Variants in CPEB2 observed in about 807,000 individuals in gnomAD.
The protein encoded by CPEB2 is cytoplasmic polyadenylation element-binding protein 2.
In CPEB2, 56 loss-of-function variants were observed where a neutral mutation model predicts 93.6. The ratio of observed to expected loss-of-function variants is 0.60; its 90% CI spans 0.48 to 0.75. The LOEUF is 0.75. Ranked by LOEUF, CPEB2 falls within the 30% of genes least tolerant of loss-of-function variation. The pLI, the probability that CPEB2 is intolerant of heterozygous loss-of-function variation, is 0.00. For missense variants in CPEB2, 1,579 were observed against 1,395.1 expected (o/e 1.13, Z -2.10); for synonymous variants, 764 against 586.3 (o/e 1.30, Z -4.38).
chr4:15,066,112 G>A (rs1729686721), intron 11 of CPEB2, 41 bp from the exon 12 acceptor site: 28 of 1,519,572 alleles, frequency 1.8e-5, no homozygotes, highest in Non-Finnish European at 2.5e-5. Flanking sequence ...TTTGATTTCT[G>A]AAGCAGACCC....
chr4:15,015,492 T>TAC (rs1236922350), intron 3 of CPEB2, among the ~76,000 whole-genome samples: 3 of 152,038 alleles, frequency 2.0e-5, no homozygotes, highest in Admixed American at 2.0e-4. Context: ...GACAGCAACT[T>TAC]AGTCTACAGT....
intron 2 of CPEB2, 66 bp from the exon 3 acceptor site, chr4:15,008,272 C>T: frequency 1.8e-6 from 2 of 1,087,668 alleles, no homozygotes; most frequent in East Asian, 2.4e-5. Context: ...TTCTTTCTTT[C>T]TTTCGTTGGG....
intron 5 of CPEB2, among the ~76,000 whole-genome samples, chr4:15,035,398 CAG>C (rs1298571228): frequency 2.0e-5 from 3 of 152,032 alleles, no homozygotes; most frequent in African/African-American, 7.2e-5. Context: ...CTGCCTGACT[CAG>C]GGGGACTGTT....
At chr4:15,044,099 G>A (rs934376449) in intron 6 of CPEB2, among the ~76,000 whole-genome samples, 4 of 152,144 alleles carry the variant, frequency 2.6e-5, no homozygotes, top group Non-Finnish European at 5.9e-5. Context: ...TTCAATAATT[G>A]TGAGAGAGTG....
intron 8 of CPEB2, among the ~76,000 whole-genome samples, chr4:15,057,403 C>T (rs1232759698): frequency 1.3e-5 from 2 of 152,156 alleles, no homozygotes; most frequent in African/African-American, 4.8e-5. Flanking sequence ...GCTGAGTTTT[C>T]TGACTTCAGT....
chr4:15,003,559 T>G lies in CPEB2; in HGVS notation c.886T>G (p.Ser296Ala). The stretch of plus-strand genomic sequence containing the variant: ...CGCGGGCGAGGGCAGCGCCGCCGAG[T>G]CCCCCAATGCGGGCTTGGCCTCCTC... Reference protein sequence around the residue: ...PAAGEGSAAESPNAGLASSTP... With the variant: ...PAAGEGSAAEAPNAGLASSTP... Residue 296 changes from serine (S) to alanine (A), a missense_variant, in exon 1 of 12, where the codon TCC (serine) becomes GCC (alanine). By Grantham distance (99) the Ser-to-Ala change is moderately conservative (BLOSUM62 1). This residue lies in a region of CPEB2 where 1,411 missense variants were observed against 1,056.0 expected (regional missense o/e 1.34). Coordinates refer to ENST00000538197, the MANE Select transcript of CPEB2 (RefSeq NM_001177382.2). The G allele has an allele frequency of 6.9e-7, 1 of 1,458,120 alleles. No homozygotes were observed. The highest frequency in any genetic ancestry group is 9.0e-7 in the Non-Finnish European group (1 of 1,108,160). 90.3% of individuals were successfully genotyped at this position (1,458,120 alleles called of 1,614,324 possible).
chr4:15,036,730 G>C (rs1262497683), intron 5 of CPEB2, among the ~76,000 whole-genome samples: 1 of 152,148 alleles, frequency 6.6e-6, no homozygotes, highest in Admixed American at 6.5e-5. Context: ...AGTGGGAATG[G>C]TATTAGCAAG....
chr4:15,061,947 C>T, intron 10 of CPEB2, 132 bp from the exon 11 acceptor site: 1 of 793,296 alleles, frequency 1.3e-6, no homozygotes, highest in Non-Finnish European at 1.9e-6. Flanking sequence ...TTAACAACAG[C>T]CTCTTATCTG....
rs1355703265 is a variant in CPEB2 at position 15,004,101 on chromosome 4, C to T, written c.1428C>T (p.Leu476=). ...TGTCGCCGCACGGCTGCACTGGGCTCAGCGTTCCGACGAGCGGCGGCGGCG... is the reference window on the plus strand; with the variant it reads ...TGTCGCCGCACGGCTGCACTGGGCTTAGCGTTCCGACGAGCGGCGGCGGCG... ...SPVSPHGCTG[L]SVPTSGGGGG... Residue 476 remains leucine (L), a synonymous_variant, in exon 1 of 12, where the codon CTC becomes CTT. Transcript: ENST00000538197. The T allele has an allele frequency of 1.3e-6, 2 of 1,559,580 alleles. No individual in the cohort carries two copies. The highest frequency in any genetic ancestry group is 1.7e-6 in the Non-Finnish European group (2 of 1,156,840).
chr4:15,005,054 C>A (rs1226591521), intron 1 of CPEB2: 1 of 152,148 alleles, frequency 6.6e-6, no homozygotes, highest in Non-Finnish European at 1.5e-5. Context: ...CTGGCAGCGC[C>A]GCACCCTGGG....
intron 4 of CPEB2, among the ~76,000 whole-genome samples, chr4:15,026,599 T>A (rs563944665): frequency 6.6e-6 from 1 of 152,308 alleles, no homozygotes; most frequent in African/African-American, 2.4e-5. Flanking sequence ...GCCACTTGTG[T>A]TTTTGCTTTA....
At chr4:15,023,506 G>A (rs1245002279) in intron 4 of CPEB2, among the ~76,000 whole-genome samples, 1 of 151,848 alleles carries the variant, frequency 6.6e-6, no homozygotes, top group African/African-American at 2.4e-5. Context: ...TTGATATTTT[G>A]GTGTATAATT....
chr4:15,066,596 A>G lies in CPEB2; in HGVS notation c.*216A>G, dbSNP rs903043897. On this transcript the variant is annotated 3_prime_UTR_variant, in exon 12 of 12. Transcript: ENST00000538197. The stretch of plus-strand genomic sequence containing the variant: ...GCTTACTAATTTTTGTGATATTTTC[A>G]TGTTCAAATAAAATGTTTTTTTGTA... 5 of 524,342 alleles carry G rather than the reference A, an allele frequency of 9.5e-6. No homozygotes were observed. Among genetic ancestry groups the G allele is most frequent in the Non-Finnish European group, 1.7e-5 (5 of 296,818 alleles). 32.5% of individuals were successfully genotyped at this position (524,342 alleles called of 1,614,324 possible).
chr4:15,014,127 A>G (rs528982182), intron 3 of CPEB2, among the ~76,000 whole-genome samples: 1 of 152,182 alleles, frequency 6.6e-6, no homozygotes, highest in South Asian at 2.1e-4. Flanking sequence ...CAATGAAGGT[A>G]GAGGGTACTT....
chr4:15,008,100 G>C (rs1412271763), intron 2 of CPEB2, among the ~76,000 whole-genome samples: 1 of 151,778 alleles, frequency 6.6e-6, no homozygotes, highest in Non-Finnish European at 1.5e-5. Flanking sequence ...TTCTAAATGT[G>C]GCCTAATACG....
intron 6 of CPEB2, among the ~76,000 whole-genome samples, chr4:15,046,370 C>T (rs963384452): frequency 8.5e-5 from 13 of 152,246 alleles, no homozygotes; most frequent in African/African-American, 3.1e-4. Context: ...GGATTACAGA[C>T]ATGCGCCACC....
rs529520407 is a variant in CPEB2, at chr4:15,023,341, G to GT, written c.2125+6069dup. On this transcript the variant is annotated intron_variant, in intron 4 of 11. Coordinates refer to ENST00000538197, the MANE Select transcript of CPEB2 (RefSeq NM_001177382.2). The stretch of plus-strand genomic sequence containing the variant: ...ATATATCAAAGAATTTCTTTTGAAG[G>GT]TTTTTTCTCCAAAATGATAGCATTT... 4.4e-3 allele frequency among the ~76,000 whole-genome samples: 664 copies of GT among 151,918 alleles called. 2 individuals are homozygous for GT. Among genetic ancestry groups the GT allele is most frequent in the African/African-American group, 0.015 (637 of 41,498 alleles).
At chr4:15,062,306 T>C in intron 11 of CPEB2, 46 bp downstream of exon 11, 4 of 1,459,092 alleles carry the variant, frequency 2.7e-6, no homozygotes, top group Non-Finnish European at 3.7e-6. Context: ...AATAAGGTGC[T>C]GATCCAAAGC....
chr4:15,002,604 C>G lies in CPEB2; in HGVS notation c.-70C>G. 1 of 1,331,774 alleles carries G rather than the reference C, an allele frequency of 7.5e-7. No individual in the cohort carries two copies. Among genetic ancestry groups the G allele is most frequent in the Non-Finnish European group, 9.9e-7 (1 of 1,006,888 alleles). 82.5% of individuals were successfully genotyped at this position (1,331,774 alleles called of 1,614,324 possible). ...TCCTTCCACCACGGCCGCGCAACCC[C>G]AGCGCCGGCGGCTTCCTAGGTGGGG... On this transcript the variant is annotated 5_prime_UTR_variant, in exon 1 of 12. Transcript: ENST00000538197.
Sources: allele counts gnomAD v4.1 joint callset (sites outside exome capture counted in the v4.1 genomes callset), GRCh38; gene constraint gnomAD v4.1.1; regional missense constraint gnomAD v4.1.1; transcripts MANE v1.5; gene names NCBI Gene and HGNC (gene_info 2026-07-23, HGNC 2026-07-21).